The following CBX7 variants were observed in gnomAD, a reference collection of about 807,000 sequenced individuals.
CBX7 encodes chromobox 7.
Under a neutral mutation model 31.4 loss-of-function variants are expected in CBX7, and 14 were observed. That is an observed-to-expected ratio of 0.45 (90% CI 0.29 to 0.70). The LOEUF is 0.70. Ranked by LOEUF, CBX7 falls within the 30% of genes least tolerant of loss-of-function variation. The pLI is 0.11. For missense variants in CBX7, 269 were observed against 351.9 expected, an observed-to-expected ratio of 0.76 and a Z score of 1.89; for synonymous variants, 159 against 152.6, an observed-to-expected ratio of 1.04 and a Z score of -0.31.
At chr22:39,146,497 C>T (rs1318240919) in intron 2 of CBX7, among the ~76,000 whole-genome samples, 1 of 152,222 alleles carries the variant, frequency 6.6e-6, no homozygotes, top group South Asian at 2.1e-4. Context: ...AGCTGTAAAC[C>T]TTCAGAGGTG....
chr22:39,132,915 C>T lies in CBX7; in HGVS notation c.*976G>A, dbSNP rs1386207563. On this transcript the variant is annotated 3_prime_UTR_variant, in exon 6 of 6. Coordinates refer to ENST00000216133, the MANE Select transcript of CBX7 (RefSeq NM_175709.5). ...AAGCCTGTGCTGATACATCACACAACTTAGCAGACGCCTGCACACCCGCAG... is the reference window on the plus strand; with the variant it reads ...AAGCCTGTGCTGATACATCACACAATTTAGCAGACGCCTGCACACCCGCAG... 2 of 152,464 alleles carry T rather than the reference C, an allele frequency of 1.3e-5. No homozygotes were observed. Among genetic ancestry groups the T allele is most frequent in the East Asian group, 3.9e-4 (2 of 5,190 alleles). The allele number at this position is 152,464 out of a possible 1,614,324, so 9.4% of individuals were successfully genotyped here.
At chr22:39,138,783 C>T in intron 3 of CBX7, 81 bp from the exon 4 acceptor site, 2 of 1,301,742 alleles carry the variant, frequency 1.5e-6, no homozygotes, top group Non-Finnish European at 2.2e-6. Context: ...TTCGCCCGCC[C>T]TCTGCTGTCT....
At position 39,133,868 on chromosome 22, in the gene CBX7, TTAAG is replaced by T. The variant is rs751783481; in HGVS notation, c.*19_*22del. On this transcript the variant is annotated 3_prime_UTR_variant, in exon 6 of 6. Coordinates refer to ENST00000216133, the MANE Select transcript of CBX7 (RefSeq NM_175709.5). Reference sequence around the variant, plus strand: ...CACCCCAAGCCCAAAAGAAAACAGTTTAAGAAGAGTAAAAACGGTGATTCAGAAC... The same window carrying T: ...CACCCCAAGCCCAAAAGAAAACAGTTAAGAGTAAAAACGGTGATTCAGAAC... The T allele has an allele frequency of 1.3e-6, 2 of 1,583,790 alleles. No homozygotes were observed. Among genetic ancestry groups the T allele is most frequent in the East Asian group, 4.6e-5 (2 of 43,606 alleles).
chr22:39,147,342 G>C (rs974900756), intron 2 of CBX7: 1 of 151,934 alleles, frequency 6.6e-6, no homozygotes, highest in Admixed American at 6.6e-5. Context: ...CTGGGATTAC[G>C]GGCATGAACC....
chr22:39,143,556 A>T (rs1930535707), intron 2 of CBX7, among the ~76,000 whole-genome samples: 1 of 152,210 alleles, frequency 6.6e-6, no homozygotes, highest in South Asian at 2.1e-4. Flanking sequence ...ATTTCTGCAT[A>T]AGTTAGTGTA....
At chr22:39,139,018 A>G (rs1308597302) in intron 3 of CBX7, among the ~76,000 whole-genome samples, 1 of 149,840 alleles carries the variant, frequency 6.7e-6, no homozygotes, top group Admixed American at 6.7e-5. Flanking sequence ...GCTCCTAAGG[A>G]CCCCCTAAAA....
At position 39,131,502 on chromosome 22, in the gene CBX7, C is replaced by A. The variant is rs1428548819; in HGVS notation, c.*2389G>T. ...GAGGATGGTCCTAACGGCCCACAGCCTTTTCCCCCAGGGAGCTGGCTCACT... is the reference window on the plus strand; with the variant it reads ...GAGGATGGTCCTAACGGCCCACAGCATTTTCCCCCAGGGAGCTGGCTCACT... On this transcript the variant is annotated 3_prime_UTR_variant, in exon 6 of 6. Coordinates refer to ENST00000216133, the MANE Select transcript of CBX7 (RefSeq NM_175709.5). 1.3e-5 allele frequency: 2 copies of A among 152,642 alleles called. No individual in the cohort carries two copies. The highest frequency in any genetic ancestry group is 2.9e-5 in the Non-Finnish European group (2 of 68,134). The allele number at this position is 152,642 out of a possible 1,614,324, so 9.5% of individuals were successfully genotyped here.
rs1020859311 is a variant in CBX7 at position 39,133,422 on chromosome 22, T to C, written c.*469A>G. On this transcript the variant is annotated 3_prime_UTR_variant, in exon 6 of 6. Coordinates refer to ENST00000216133, the MANE Select transcript of CBX7 (RefSeq NM_175709.5). ...CCCTTCCTCCCGCCCCACTCACTTTTGGTCAAAACCAGCCTCCACAGCCCA... is the reference window on the plus strand; with the variant it reads ...CCCTTCCTCCCGCCCCACTCACTTTCGGTCAAAACCAGCCTCCACAGCCCA... 1 of 152,506 alleles carries C rather than the reference T, an allele frequency of 6.6e-6. No individual in the cohort carries two copies. The highest frequency in any genetic ancestry group is 2.4e-5 in the African/African-American group (1 of 41,404). 9.4% of individuals were successfully genotyped at this position (152,506 alleles called of 1,614,324 possible).
chr22:39,141,852 TGGTAA>T (rs1443645352), intron 2 of CBX7, among the ~76,000 whole-genome samples: 1 of 152,102 alleles, frequency 6.6e-6, no homozygotes, highest in Non-Finnish European at 1.5e-5. Context: ...CACCCTGTCC[TGGTAA>T]GGTGTCATTG....
At chr22:39,141,265 G>T in intron 3 of CBX7, 106 bp downstream of exon 3, 2 of 929,152 alleles carry the variant, frequency 2.2e-6, no homozygotes, top group Non-Finnish European at 3.3e-6. Context: ...TGCCCCATCG[G>T]ACACCCCTGC....
chr22:39,149,694 G>T, intron 2 of CBX7, 95 bp downstream of exon 2: 1 of 1,013,708 alleles, frequency 9.9e-7, no homozygotes, highest in Non-Finnish European at 1.6e-6. Context: ...AGTAGCTGGA[G>T]CTAAAAGCTA....
chr22:39,139,619 T>C (rs1930378772), intron 3 of CBX7, among the ~76,000 whole-genome samples: 1 of 136,480 alleles, frequency 7.3e-6, no homozygotes, highest in Non-Finnish European at 1.5e-5. Flanking sequence ...AGGAGAATGG[T>C]GTGAACCTGG....
At chr22:39,146,564 G>T (rs963318900) in intron 2 of CBX7, among the ~76,000 whole-genome samples, 4 of 152,266 alleles carry the variant, frequency 2.6e-5, no homozygotes, top group Admixed American at 6.5e-5. Flanking sequence ...AAGAGTCCTA[G>T]TCATCTCTAG....
At chr22:39,140,351 C>T (rs548891908) in intron 3 of CBX7, among the ~76,000 whole-genome samples, 6 of 152,280 alleles carry the variant, frequency 3.9e-5, no homozygotes, top group South Asian at 2.1e-4. Flanking sequence ...TCCCAAGTGT[C>T]GCACCCTGTT....
chr22:39,140,608 A>C (rs1237562843), intron 3 of CBX7, among the ~76,000 whole-genome samples: 1 of 152,164 alleles, frequency 6.6e-6, no homozygotes, highest in African/African-American at 2.4e-5. Context: ...CTGTCAAACA[A>C]AACCCTCATT....
intron 2 of CBX7, among the ~76,000 whole-genome samples, chr22:39,145,402 G>T (rs1930611211): frequency 6.6e-6 from 1 of 152,198 alleles, no homozygotes; most frequent in South Asian, 2.1e-4. Flanking sequence ...GGATCGAAGG[G>T]ATTAGACCCC....
At chr22:39,145,216 G>T (rs755073579) in intron 2 of CBX7, among the ~76,000 whole-genome samples, 11 of 152,198 alleles carry the variant, frequency 7.2e-5, no homozygotes, top group Admixed American at 6.5e-4. Flanking sequence ...AGCCCCAAGT[G>T]GGGGGCAGGG....
At chr22:39,149,766 C>T (rs377014158) in intron 2 of CBX7, 23 bp downstream of exon 2, 2 of 1,607,834 alleles carry the variant, frequency 1.2e-6, no homozygotes, top group African/African-American at 1.3e-5. Context: ...GACAGACAGA[C>T]ACACACACAT....
At chr22:39,144,312 T>C (rs1930565220) in intron 2 of CBX7, among the ~76,000 whole-genome samples, 1 of 152,120 alleles carries the variant, frequency 6.6e-6, no homozygotes, top group Non-Finnish European at 1.5e-5. Flanking sequence ...GGGTGCCCCA[T>C]CCCTCCAGTC....
Sources: gnomAD v4.1 joint callset for allele counts (sites outside exome capture counted in the v4.1 genomes callset) on GRCh38, gnomAD v4.1.1 for gene constraint, MANE v1.5 for transcripts, NCBI Gene and HGNC (gene_info 2026-07-23, HGNC 2026-07-21) for gene names.